CDH12: variants seen among roughly 807,000 people sequenced by gnomAD.
CDH12 encodes cadherin-12.
In CDH12, 41 loss-of-function variants were observed where a neutral mutation model predicts 74.1. The ratio of observed to expected loss-of-function variants is 0.55; its 90% CI spans 0.43 to 0.72. CDH12 has a LOEUF of 0.72. Among genes scored for constraint, CDH12 ranks in the 30% least tolerant of loss-of-function variants. CDH12 has a pLI of 0.00. For missense variants in CDH12, 945 were observed against 977.2 expected (o/e 0.97, Z 0.44); for synonymous variants, 399 against 355.0 (o/e 1.12, Z -1.39).
At position 22,778,113 on chromosome 5, in the gene CDH12, CA is replaced by C. The variant is rs528818952; in HGVS notation, c.-523+74944del. Among the ~76,000 whole-genome samples the C allele has an allele frequency of 1.8e-4, 27 of 152,236 alleles. No individual in the cohort carries two copies. The East Asian group carries it at 4.6e-3, about 26-fold the overall frequency. The stretch of plus-strand genomic sequence containing the variant: ...GGCCATCATGCCCGGCCAGATATTA[CA>C]TTTTTTTGTTTATAAGTCTCATCAT... On this transcript the variant is annotated intron_variant, in intron 1 of 14. Transcript: ENST00000382254.
At chr5:22,631,939 A>G (rs1044481652) in intron 1 of CDH12, among the ~76,000 whole-genome samples, 10 of 152,076 alleles carry the variant, frequency 6.6e-5, no homozygotes, top group African/African-American at 2.4e-4. Flanking sequence ...CCACGATCCA[A>G]TCACCTCCCA....
intron 1 of CDH12, among the ~76,000 whole-genome samples, chr5:22,665,770 C>T (rs1740581913): frequency 6.6e-6 from 1 of 152,082 alleles, no homozygotes; most frequent in Non-Finnish European, 1.5e-5. Flanking sequence ...GTTGACCATC[C>T]AAATTATTTC....
At chr5:22,580,324 G>A (rs1740019105) in intron 1 of CDH12, 21 of 436,798 alleles carry the variant, frequency 4.8e-5, no homozygotes, top group South Asian at 3.6e-4. Context: ...AACAAGTGGT[G>A]CTTGCACAGC....
chr5:21,961,700 T>C (rs911679128), intron 6 of CDH12, among the ~76,000 whole-genome samples: 1 of 152,100 alleles, frequency 6.6e-6, no homozygotes, highest in South Asian at 2.1e-4. Flanking sequence ...AAGAAAGCCA[T>C]CTAAAAGCCA....
chr5:21,776,780 C>G (rs1018691675), intron 11 of CDH12, among the ~76,000 whole-genome samples: 1 of 152,162 alleles, frequency 6.6e-6, no homozygotes, highest in Non-Finnish European at 1.5e-5. Flanking sequence ...TTAGTTAATA[C>G]GTCTTGTGTG....
intron 3 of CDH12, among the ~76,000 whole-genome samples, chr5:22,358,440 C>T (rs1378635185): frequency 6.6e-6 from 1 of 151,974 alleles, no homozygotes; most frequent in South Asian, 2.1e-4. Context: ...ATGCTAATAG[C>T]CAAAAAAGCA....
intron 5 of CDH12, among the ~76,000 whole-genome samples, chr5:21,977,244 G>A (rs1238703157): frequency 6.6e-6 from 1 of 151,918 alleles, no homozygotes; most frequent in East Asian, 1.9e-4. Context: ...ATGAATGATA[G>A]GAGGAAGGAT....
chr5:22,628,795 C>A (rs945770671), intron 1 of CDH12, among the ~76,000 whole-genome samples: 1 of 151,764 alleles, frequency 6.6e-6, no homozygotes, highest in African/African-American at 2.4e-5. Context: ...TACAAAAGAT[C>A]GATGAATCCA....
intron 5 of CDH12, among the ~76,000 whole-genome samples, chr5:22,078,174 T>G (rs1742462683): frequency 6.6e-6 from 1 of 152,158 alleles, no homozygotes; most frequent in East Asian, 1.9e-4. Flanking sequence ...ATACTTTAAC[T>G]TCATGTCTTC....
intron 3 of CDH12, among the ~76,000 whole-genome samples, chr5:22,235,742 T>C (rs922364456): frequency 2.0e-5 from 3 of 152,120 alleles, no homozygotes; most frequent in African/African-American, 7.2e-5. Context: ...GGAAATAATA[T>C]AAAAGAGTAG....
intron 3 of CDH12, among the ~76,000 whole-genome samples, chr5:22,218,276 A>T (rs1475400574): frequency 6.6e-6 from 1 of 151,692 alleles, no homozygotes; most frequent in African/African-American, 2.4e-5. Context: ...GCATATTTCC[A>T]TTCAAACAAC....
At chr5:22,785,455 C>G (rs893532766) in intron 1 of CDH12, among the ~76,000 whole-genome samples, 1 of 152,042 alleles carries the variant, frequency 6.6e-6, no homozygotes, top group Non-Finnish European at 1.5e-5. Context: ...AACTGAATTT[C>G]TGAGAAAATA....
chr5:22,455,455 A>G (rs921900696), intron 2 of CDH12, among the ~76,000 whole-genome samples: 9 of 152,192 alleles, frequency 5.9e-5, no homozygotes, highest in Admixed American at 1.3e-4. Context: ...CTCAGATCCA[A>G]TACCAGAACT....
intron 2 of CDH12, among the ~76,000 whole-genome samples, chr5:22,467,014 C>T (rs371231867): frequency 6.6e-6 from 1 of 150,946 alleles, no homozygotes; most frequent in East Asian, 2.0e-4. Context: ...GTCTGGATCT[C>T]GACCTCGTGA....
intron 1 of CDH12, among the ~76,000 whole-genome samples, chr5:22,517,088 T>C (rs951482235): frequency 6.6e-6 from 1 of 151,964 alleles, no homozygotes; most frequent in Non-Finnish European, 1.5e-5. Flanking sequence ...GAGAATATAA[T>C]ATACATTTTA....
intron 3 of CDH12, among the ~76,000 whole-genome samples, chr5:22,377,346 C>A (rs966651344): frequency 6.6e-6 from 1 of 152,156 alleles, no homozygotes; most frequent in African/African-American, 2.4e-5. Flanking sequence ...TTGGTAGAGT[C>A]ACTAGCTCAA....
At chr5:22,529,668 ATGTC>A (rs979851654) in intron 1 of CDH12, among the ~76,000 whole-genome samples, 1 of 152,116 alleles carries the variant, frequency 6.6e-6, no homozygotes, top group Admixed American at 6.6e-5. Context: ...GTTTAACTAA[ATGTC>A]TGGGCAGCCT....
At chr5:22,055,480 T>A (rs1192056550) in intron 5 of CDH12, among the ~76,000 whole-genome samples, 1 of 152,168 alleles carries the variant, frequency 6.6e-6, no homozygotes, top group Non-Finnish European at 1.5e-5. Context: ...GTCTCACAAT[T>A]CTTGCTCTTT....
At chr5:22,753,122 C>T (rs1376606900) in intron 1 of CDH12, among the ~76,000 whole-genome samples, 1 of 151,882 alleles carries the variant, frequency 6.6e-6, no homozygotes. Flanking sequence ...CCTGGGGGTG[C>T]ACATTTCAGC....
Sources: allele counts gnomAD v4.1 joint callset (sites outside exome capture counted in the v4.1 genomes callset), GRCh38; gene constraint gnomAD v4.1.1; transcripts MANE v1.5; gene names NCBI Gene and HGNC (gene_info 2026-07-23, HGNC 2026-07-21).